Variants in MRTFB observed in about 807,000 individuals in gnomAD.
The protein encoded by MRTFB is myocardin-related transcription factor B.
MRTFB carries 29 observed loss-of-function variants against 104.2 expected under a neutral mutation model. The observed-to-expected ratio is 0.28, with a 90% CI of 0.21 to 0.38. MRTFB has a LOEUF of 0.38. Among genes scored for constraint, MRTFB ranks in the 10% least tolerant of loss-of-function variants. The pLI is 1.00. For synonymous variants in MRTFB, 535 were observed against 519.5 expected (o/e 1.03, Z -0.41); for missense variants, 1,270 against 1,341.6 (o/e 0.95, Z 0.83).
At chr16:14,243,658 CTTTT>C (rs1244068075) in intron 10 of MRTFB, among the ~76,000 whole-genome samples, 3 of 152,050 alleles carry the variant, frequency 2.0e-5, no homozygotes, top group Admixed American at 6.5e-5. Flanking sequence ...GCACCAACTT[CTTTT>C]AAGTAAGCTT....
the MRTFB span, among the ~76,000 whole-genome samples, chr16:14,043,209 G>T: frequency 6.6e-6 from 1 of 152,152 alleles, no homozygotes; most frequent in South Asian, 2.1e-4. Context: ...TACATCTTAT[G>T]TCTGCTCACC....
the MRTFB span, among the ~76,000 whole-genome samples, chr16:14,063,063 G>A: frequency 6.6e-6 from 1 of 152,188 alleles, no homozygotes; most frequent in Non-Finnish European, 1.5e-5. Context: ...GACTTACAAT[G>A]TGGGATTTCC....
chr16:14,168,848 C>T (rs2039332824), intron 3 of MRTFB, among the ~76,000 whole-genome samples: 1 of 152,170 alleles, frequency 6.6e-6, no homozygotes. Flanking sequence ...GTGCCACATT[C>T]TCACCAATAT....
In MRTFB at chr16:14,246,974, C is replaced by T. The variant is rs1448438622; in HGVS notation, c.1714C>T (p.Arg572Cys). 6.8e-6 allele frequency: 11 copies of T among 1,614,070 alleles called. No individual in the cohort carries two copies. Among genetic ancestry groups the T allele is most frequent in the East Asian group, 2.2e-5 (1 of 44,856 alleles). Residue 572 changes from arginine to cysteine, a missense_variant, in exon 12 of 17, where the codon CGC becomes TGC. This residue lies in a region of MRTFB where 1,144 missense variants were observed against 1,131.5 expected (regional missense o/e 1.01). Coordinates refer to ENST00000571589, the MANE Select transcript of MRTFB (RefSeq NM_001308142.2). Reference sequence around the variant, plus strand: ...GGAACTGGATGCAGCCGAAAAGGATCGCAAGCTTCAGGAGAAAGAGAAGCA... The same window carrying T: ...GGAACTGGATGCAGCCGAAAAGGATTGCAAGCTTCAGGAGAAAGAGAAGCA... ...NLELDAAEKD[R>C]KLQEKEKQIE...
At chr16:14,139,559 A>G (rs575895911) in intron 2 of MRTFB, among the ~76,000 whole-genome samples, 10 of 152,358 alleles carry the variant, frequency 6.6e-5, no homozygotes, top group African/African-American at 2.2e-4. Context: ...CTCCTGTACA[A>G]GTATCTATAT....
At chr16:14,006,387 G>A in the MRTFB span, among the ~76,000 whole-genome samples, 10 of 151,544 alleles carry the variant, frequency 6.6e-5, no homozygotes, top group African/African-American at 1.7e-4. Flanking sequence ...GTGGTAGCAC[G>A]CGCCTGTAAT....
chr16:14,191,527 C>G (rs905713331), intron 3 of MRTFB, among the ~76,000 whole-genome samples: 1 of 152,150 alleles, frequency 6.6e-6, no homozygotes, highest in African/African-American at 2.4e-5. Flanking sequence ...GCTATTAGCC[C>G]CATAATATTT....
the MRTFB span, among the ~76,000 whole-genome samples, chr16:14,034,885 G>A: frequency 6.6e-6 from 1 of 152,064 alleles, no homozygotes; most frequent in Non-Finnish European, 1.5e-5. Context: ...AGGAAGGAAG[G>A]CCCCACCACC....
the MRTFB span, among the ~76,000 whole-genome samples, chr16:14,045,304 T>G: frequency 6.6e-6 from 1 of 152,200 alleles, no homozygotes; most frequent in Non-Finnish European, 1.5e-5. Context: ...GCTTTTGACT[T>G]TCTCCAAGCC....
chr16:14,155,253 C>A (rs887399897), intron 3 of MRTFB, among the ~76,000 whole-genome samples: 1 of 151,928 alleles, frequency 6.6e-6, no homozygotes, highest in African/African-American at 2.4e-5. Context: ...ATCTAATATG[C>A]TGTTAATCCC....
chr16:14,050,344 C>CT, the MRTFB span, among the ~76,000 whole-genome samples: 1 of 152,182 alleles, frequency 6.6e-6, no homozygotes, highest in Non-Finnish European at 1.5e-5. Flanking sequence ...AAATTTACCT[C>CT]TAACATGACC....
chr16:14,168,057 A>G (rs2039305947), intron 3 of MRTFB, among the ~76,000 whole-genome samples: 1 of 152,188 alleles, frequency 6.6e-6, no homozygotes, highest in Non-Finnish European at 1.5e-5. Context: ...GCATATGGCT[A>G]GCCAGTTCTC....
chr16:14,071,175 G>A (rs2033658294), upstream of MRTFB: 1 of 152,856 alleles, frequency 6.5e-6, no homozygotes, highest in South Asian at 1.9e-4. Context: ...CAGGGACGGA[G>A]TCGGGGGCGA....
At position 14,251,991 on chromosome 16, in the gene MRTFB, T is replaced by C; in HGVS notation, c.2533T>C (p.Ser845Pro). The change falls in exon 14 of 17, where the codon TCC (serine) becomes CCC (proline). Residue 845 changes from serine to proline, a missense_variant. This residue lies in a region of MRTFB where 1,144 missense variants were observed against 1,131.5 expected (regional missense o/e 1.01). Transcript: ENST00000571589. ...TCAATCCAGAAATGCTCCGCTTCCA[T>C]CCCTGCAAAATGGACCTAACACACC... ...VLQSRNAPLP[S>P]LQNGPNTPNK... 6.2e-7 allele frequency: 1 copy of C among 1,614,206 alleles called. No homozygotes were observed. Among genetic ancestry groups the C allele is most frequent in the Non-Finnish European group, 8.5e-7 (1 of 1,180,038 alleles).
chr16:14,145,019 G>T (rs544093275), intron 3 of MRTFB, among the ~76,000 whole-genome samples: 4 of 145,244 alleles, frequency 2.8e-5, no homozygotes, highest in Admixed American at 2.1e-4. Flanking sequence ...TATAACTTTT[G>T]TCAGTTTCAA....
intron 3 of MRTFB, among the ~76,000 whole-genome samples, chr16:14,165,312 T>C (rs2039194708): frequency 6.6e-6 from 1 of 152,176 alleles, no homozygotes; most frequent in Non-Finnish European, 1.5e-5. Context: ...TGGAATAGGC[T>C]GTTAATTGAT....
At chr16:14,119,509 G>C (rs527263998) in intron 2 of MRTFB, among the ~76,000 whole-genome samples, 3 of 152,264 alleles carry the variant, frequency 2.0e-5, no homozygotes, top group South Asian at 4.2e-4. Context: ...ACTTTTGAGA[G>C]ATTGACCAAA....
At chr16:14,148,550 C>T (rs1394967098) in intron 3 of MRTFB, 1 of 152,618 alleles carries the variant, frequency 6.6e-6, no homozygotes, top group Non-Finnish European at 1.5e-5. Flanking sequence ...TTCTCTTTGG[C>T]TTGTAATTAA....
At chr16:14,074,345 A>G (rs772855652) in intron 1 of MRTFB, among the ~76,000 whole-genome samples, 1 of 152,212 alleles carries the variant, frequency 6.6e-6, no homozygotes, top group Non-Finnish European at 1.5e-5. Context: ...AACTTTAAAA[A>G]ATATTCACCT....
Sources: allele counts gnomAD v4.1 joint callset (sites outside exome capture counted in the v4.1 genomes callset), GRCh38; gene constraint gnomAD v4.1.1; regional missense constraint gnomAD v4.1.1; transcripts MANE v1.5; gene names NCBI Gene and HGNC (gene_info 2026-07-23, HGNC 2026-07-21).